ZNF140: variants seen among roughly 807,000 people sequenced by gnomAD.
ZNF140 encodes zinc finger protein 140.
In ZNF140, 13 loss-of-function variants were observed where a neutral mutation model predicts 12.9. The ratio of observed to expected loss-of-function variants is 1.01; its 90% CI spans 0.66 to 1.60. The LOEUF (loss-of-function observed/expected upper bound fraction) is 1.60, where lower values mean the gene tolerates loss of function less well. Among genes scored for constraint, ZNF140 ranks in the 40% most tolerant of loss-of-function variants. The probability of loss-of-function intolerance (pLI) is 0.00; values close to 1 mark genes in which losing one functional copy is unlikely to be tolerated. For missense variants in ZNF140, 531 were observed against 548.8 expected, an observed-to-expected ratio of 0.97 and a Z score of 0.32; for synonymous variants, 214 against 186.7, an observed-to-expected ratio of 1.15 and a Z score of -1.19.
intron 4 of ZNF140, among the ~76,000 whole-genome samples, chr12:133,089,292 A>G (rs1004593085): frequency 3.6e-4 from 54 of 151,844 alleles, no homozygotes; most frequent in African/African-American, 9.9e-4. Flanking sequence ...GGCTCACTGC[A>G]GCCTCAACTT....
chr12:133,100,914 C>T, intron 4 of ZNF140: 1 of 440,250 alleles, frequency 2.3e-6, no homozygotes, highest in Non-Finnish European at 4.6e-6. Context: ...TCACACTACT[C>T]AGAATGGTGT....
intron 2 of ZNF140, 155 bp downstream of exon 2, chr12:133,081,484 CT>C: frequency 2.2e-6 from 1 of 459,572 alleles, no homozygotes; most frequent in South Asian, 1.6e-5. Context: ...AGCCAACCCA[CT>C]TGGCCTGTTT....
At chr12:133,091,302 T>C (rs1209886441) in intron 4 of ZNF140, among the ~76,000 whole-genome samples, 1 of 151,120 alleles carries the variant, frequency 6.6e-6, no homozygotes, top group Non-Finnish European at 1.5e-5. Context: ...AGTATACTGC[T>C]TGTAAACATT....
At position 133,080,999 on chromosome 12, in the gene ZNF140, T is replaced by C. The variant is rs773691757; in HGVS notation, c.-122T>C. ...CGGATGGCCCCGGGCGGTGACTCGG[T>C]CCGGAGCCCTGGAACGCTACGCCCA... On this transcript the variant is annotated 5_prime_UTR_variant, in exon 1 of 5. Coordinates refer to ENST00000355557, the MANE Select transcript of ZNF140 (RefSeq NM_003440.4). 443 of 178,918 alleles carry C rather than the reference T, an allele frequency of 2.5e-3. 2 individuals carry two copies. Among genetic ancestry groups the C allele is most frequent in the Non-Finnish European group, 2.7e-3 (226 of 82,610 alleles). The allele number at this position is 178,918 out of a possible 1,614,324, so 11.1% of individuals were successfully genotyped here. A position where few individuals can be genotyped will look rare whatever the true frequency, so the allele number is the denominator to read the frequency against.
intron 4 of ZNF140, among the ~76,000 whole-genome samples, chr12:133,102,161 T>G (rs534301648): frequency 6.6e-6 from 1 of 152,238 alleles, no homozygotes; most frequent in South Asian, 2.1e-4. Context: ...CCACCTTATG[T>G]GGGATAGGAT....
At chr12:133,089,017 A>G (rs1954769908) in intron 4 of ZNF140, among the ~76,000 whole-genome samples, 1 of 151,820 alleles carries the variant, frequency 6.6e-6, no homozygotes, top group African/African-American at 2.4e-5. Flanking sequence ...CTGGCCTGTC[A>G]TTTTCTTTTC....
intron 4 of ZNF140, among the ~76,000 whole-genome samples, chr12:133,092,010 T>C (rs1264719203): frequency 6.6e-6 from 1 of 151,174 alleles, no homozygotes; most frequent in Admixed American, 6.6e-5. Context: ...ACAGTTTGTC[T>C]AAGATCATTA....
chr12:133,099,800 T>A (rs1012971499), intron 4 of ZNF140, among the ~76,000 whole-genome samples: 2 of 152,222 alleles, frequency 1.3e-5, no homozygotes, highest in South Asian at 2.1e-4. Flanking sequence ...CTGAAGAACT[T>A]CTTTCAACAT....
In ZNF140 at chr12:133,105,600, T is replaced by TAA; in HGVS notation, c.324_325dup (p.Ser109LysfsTer33). 6.2e-7 allele frequency: 1 copy of TAA among 1,614,178 alleles called. No homozygotes were observed. The highest frequency in any genetic ancestry group is 1.3e-5 in the African/African-American group (1 of 75,060). Reference sequence around the variant, plus strand: ...CAGTATTTGATCATGGAAAGAATTCTAAGTCAAGGCCCTGTGTATTCCAGT... The same window carrying TAA: ...CAGTATTTGATCATGGAAAGAATTCTAAAAGTCAAGGCCCTGTGTATTCCAGT... On this transcript the variant is annotated frameshift_variant, in exon 5 of 5. Coordinates refer to ENST00000355557, the MANE Select transcript of ZNF140 (RefSeq NM_003440.4). LOFTEE classifies it low-confidence loss of function (END_TRUNC).
rs1333007036 is a variant in ZNF140 at position 133,105,982 on chromosome 12, C to T, written c.705C>T (p.His235=). ...TFSYLSFLIE[H]QRTHTGEKPY... is the part of the protein sequence containing the mutation. ...GTTACCTTTCATTTCTTATTGAACACCAGAGAACGCACACTGGGGAGAAAC... is the reference window on the plus strand; with the variant it reads ...GTTACCTTTCATTTCTTATTGAACATCAGAGAACGCACACTGGGGAGAAAC... Residue 235 remains histidine, a synonymous_variant, in exon 5 of 5, where the codon CAC becomes CAT. Transcript: ENST00000355557. The T allele has an allele frequency of 6.8e-6, 11 of 1,613,966 alleles. No individual in the cohort carries two copies. Among genetic ancestry groups the T allele is most frequent in the Admixed American group, 5.0e-5 (3 of 60,002 alleles).
Position 133,106,265 on chromosome 12 carries a change from G to A in ZNF140, c.988G>A (p.Glu330Lys). ...CATCCATACAACCAAAACCCCGTATGAATGTAATGAATGTAGGAAAGCTTT... is the reference window on the plus strand; with the variant it reads ...CATCCATACAACCAAAACCCCGTATAAATGTAATGAATGTAGGAAAGCTTT... The part of the protein sequence containing the change: ...QSIHTTKTPY[E>K]CNECRKAFRC... The change falls in exon 5 of 5, where the codon GAA becomes AAA. Residue 330 changes from glutamate (E) to lysine (K), a missense_variant. Transcript: ENST00000355557. The A allele has an allele frequency of 1.2e-6, 2 of 1,614,158 alleles. No individual in the cohort carries two copies. Among genetic ancestry groups the A allele is most frequent in the Middle Eastern group, 1.6e-4 (1 of 6,062 alleles).
rs201813395 is a variant in ZNF140 at position 133,106,799 on chromosome 12, G to GA, written c.*157dup. 3.0e-3 allele frequency: 1,821 copies of GA among 614,972 alleles called. No homozygotes were observed. Among genetic ancestry groups the GA allele is most frequent in the East Asian group, 5.1e-3 (153 of 29,920 alleles). The allele number at this position is 614,972 out of a possible 1,614,324, so 38.1% of individuals were successfully genotyped here. A position where few individuals can be genotyped will look rare whatever the true frequency, so the allele number is the denominator to read the frequency against. On this transcript the variant is annotated 3_prime_UTR_variant, in exon 5 of 5. Transcript: ENST00000355557. ...CCCACACTTTATTCACCACCCTGGA[G>GA]AAAAAAAAACCCAGGAATATGTGGA...
At position 133,105,701 on chromosome 12, in the gene ZNF140, GTC is replaced by G; in HGVS notation, c.429_430del (p.His144SerfsTer21). 1 of 1,614,160 alleles carries G rather than the reference GTC, an allele frequency of 6.2e-7. No individual in the cohort carries two copies. Among genetic ancestry groups the G allele is most frequent in the African/African-American group, 1.3e-5 (1 of 75,048 alleles). ...ENQGCIRKVT[V>X]SHQEALAQHM... is the part of the protein sequence containing the mutation. ...TCAGGGATGTATTAGGAAAGTAACA[GTC>G]TCTCATCAAGAAGCCCTGGCTCAAC... On this transcript the variant is annotated frameshift_variant, in exon 5 of 5. Transcript: ENST00000355557. LOFTEE classifies it low-confidence loss of function (END_TRUNC).
At chr12:133,102,750 T>TAAAA (rs150988045) in intron 4 of ZNF140, among the ~76,000 whole-genome samples, 2,390 of 136,696 alleles carry the variant, frequency 0.017, 61 homozygotes, top group African/African-American at 0.059. Context: ...CTCCGTTTCT[T>TAAAA]AAAAAAAAAA....
chr12:133,083,601 C>A, intron 4 of ZNF140, 40 bp downstream of exon 4: 1 of 1,550,702 alleles, frequency 6.4e-7, no homozygotes, highest in Non-Finnish European at 8.8e-7. Flanking sequence ...TTTTTAAAAC[C>A]ACTCAATTAG....
At chr12:133,103,990 T>C (rs1955465135) in intron 4 of ZNF140, among the ~76,000 whole-genome samples, 1 of 152,242 alleles carries the variant, frequency 6.6e-6, no homozygotes, top group African/African-American at 2.4e-5. Flanking sequence ...ACCATATAGG[T>C]ACAGATCTTG....
intron 2 of ZNF140, chr12:133,082,743 A>G: frequency 5.9e-6 from 1 of 170,092 alleles, no homozygotes. Context: ...TTATATTAAA[A>G]TAGGCTGGTA....
intron 4 of ZNF140, among the ~76,000 whole-genome samples, chr12:133,087,573 T>G (rs1268377380): frequency 6.6e-6 from 1 of 151,264 alleles, no homozygotes; most frequent in Non-Finnish European, 1.5e-5. Context: ...CTATAACTAG[T>G]TGTTATCAAT....
At chr12:133,104,806 G>A (rs1223483830) in intron 4 of ZNF140, among the ~76,000 whole-genome samples, 1 of 152,106 alleles carries the variant, frequency 6.6e-6, no homozygotes, top group Non-Finnish European at 1.5e-5. Flanking sequence ...TTATTTTTCT[G>A]TCCAACTTTC....
Sources: gnomAD v4.1 joint callset for allele counts (sites outside exome capture counted in the v4.1 genomes callset) on GRCh38, gnomAD v4.1.1 for gene constraint, MANE v1.5 for transcripts, NCBI Gene and HGNC (gene_info 2026-07-23, HGNC 2026-07-21) for gene names.